AOPEP: variants seen among roughly 807,000 people sequenced by gnomAD.
The protein encoded by AOPEP is aminopeptidase O.
A neutral mutation model predicts 98.1 loss-of-function variants in AOPEP; 77 were observed. That is an observed-to-expected ratio of 0.78 (90% CI 0.65 to 0.95). The LOEUF (loss-of-function observed/expected upper bound fraction) is 0.95, where lower values mean the gene tolerates loss of function less well. AOPEP is among the 40% of genes least tolerant of loss of function. The probability of loss-of-function intolerance (pLI) is 0.00; values close to 1 mark genes in which losing one functional copy is unlikely to be tolerated. For synonymous variants in AOPEP, 346 were observed against 365.3 expected (o/e 0.95, Z 0.60); for missense variants, 1,024 against 1,024.7 (o/e 1.00, Z 0.01).
chr9:94,848,848 G>A (rs979150035), intron 5 of AOPEP, among the ~76,000 whole-genome samples: 9 of 152,164 alleles, frequency 5.9e-5, no homozygotes, highest in Non-Finnish European at 1.2e-4. Flanking sequence ...GGAGTGCAAT[G>A]GCACTGCAGC....
chr9:94,726,714 C>T lies in AOPEP; in HGVS notation c.-173C>T, dbSNP rs556721100. The T allele has an allele frequency of 6.6e-6, 1 of 152,422 alleles. No homozygotes were observed. The highest frequency in any genetic ancestry group is 1.9e-4 in the East Asian group (1 of 5,190). The allele number at this position is 152,422 out of a possible 1,614,324, so 9.4% of individuals were successfully genotyped here. ...GGGGTAGCCCGTAGTAACCCCGAGT[C>T]TGCGGAAGTGGTGACCCGTGGGACG... On this transcript the variant is annotated 5_prime_UTR_variant, in exon 1 of 17. Transcript: ENST00000375315.
Position 94,957,833 on chromosome 9 carries a change from C to T in AOPEP, c.1872+1818C>T, listed in dbSNP as rs1374508963. Among the ~76,000 whole-genome samples, 7 of 152,038 alleles carry T rather than the reference C, an allele frequency of 4.6e-5. No homozygotes were observed. In the East Asian group the frequency reaches 5.8e-4, roughly 13 times the overall value. On this transcript the variant is annotated intron_variant, in intron 9 of 16. Coordinates refer to ENST00000375315, the MANE Select transcript of AOPEP (RefSeq NM_001193329.3). ...GAACTTTTGTGTCTAGCTTTATTAA[C>T]GTAATGTTTTCAAGGTTCATATAGC...
chr9:94,897,699 CTCTCTCCCCAAATAAAAATT>C (rs2049766314), intron 5 of AOPEP, among the ~76,000 whole-genome samples: 1 of 152,144 alleles, frequency 6.6e-6, no homozygotes, highest in Admixed American at 6.5e-5. Flanking sequence ...TAATAAAAAT[CTCTCTCCCCAAATAAAAATT>C]AACTCATTAG....
chr9:95,085,858 G>T, intron 16 of AOPEP: 1 of 1,150,150 alleles, frequency 8.7e-7, no homozygotes, highest in Middle Eastern at 3.9e-4. Flanking sequence ...ATGGCTGTGA[G>T]CGGGGCGGGG....
chr9:95,005,964 G>A, intron 13 of AOPEP: 1 of 494,848 alleles, frequency 2.0e-6, no homozygotes, highest in Non-Finnish European at 4.1e-6. Flanking sequence ...ATCGCCCACA[G>A]TATTAGGTTT....
intron 13 of AOPEP, among the ~76,000 whole-genome samples, chr9:95,053,707 TTTGTTGTTGTTGTTG>T (rs60251468): frequency 1.3e-5 from 2 of 150,710 alleles, no homozygotes; most frequent in Admixed American, 6.6e-5. Flanking sequence ...TTAATTCATT[TTTGTTGTTGTTGTTG>T]TTGTTGTTGT....
chr9:95,149,910 A>AT, the AOPEP span: 1 of 1,588,968 alleles, frequency 6.3e-7, no homozygotes, highest in Non-Finnish European at 8.6e-7. Context: ...GACAGGAAAC[A>AT]TTTGCCACTT....
chr9:94,849,132 G>T (rs2043216889), intron 5 of AOPEP, among the ~76,000 whole-genome samples: 1 of 152,254 alleles, frequency 6.6e-6, no homozygotes, highest in Non-Finnish European at 1.5e-5. Context: ...AAATGGGGCA[G>T]GGGGTAGGAA....
the AOPEP span, chr9:95,101,366 G>A: frequency 4.9e-6 from 2 of 407,650 alleles, no homozygotes; most frequent in Non-Finnish European, 9.1e-6. Flanking sequence ...TTAAATAATA[G>A]ATGTGCAGCT....
In AOPEP at chr9:94,972,033, A is replaced by G. The variant is rs1300439664; in HGVS notation, c.1916+4232A>G. Among the ~76,000 whole-genome samples, 2 of 152,178 alleles carry G rather than the reference A, an allele frequency of 1.3e-5. No homozygotes were observed. Among genetic ancestry groups the G allele is most frequent in the Non-Finnish European group, 2.9e-5 (2 of 68,030 alleles). On this transcript the variant is annotated intron_variant, in intron 10 of 16. Transcript: ENST00000375315. This position sits in a 1 kb window ranked among gnomAD's most constrained non-coding sequence, Gnocchi z 4.2. ...GTGTGGCAGAGAGATGGGGGCGGAG[A>G]GGACTGGAAGCCAGGAAAACAATTA...
intron 13 of AOPEP, chr9:95,005,873 G>A: frequency 3.5e-6 from 2 of 567,448 alleles, no homozygotes; most frequent in Admixed American, 3.0e-5. Context: ...ACTTAAGTGG[G>A]TTCCATTATT....
intron 13 of AOPEP, among the ~76,000 whole-genome samples, chr9:95,049,436 A>G (rs745920870): frequency 1.3e-5 from 2 of 152,224 alleles, no homozygotes; most frequent in African/African-American, 2.4e-5. Context: ...TAAAAGATAA[A>G]TTCTTATTTC....
At chr9:94,976,908 C>A (rs990054268) in intron 10 of AOPEP, among the ~76,000 whole-genome samples, 3 of 152,140 alleles carry the variant, frequency 2.0e-5, no homozygotes, top group Non-Finnish European at 4.4e-5. Flanking sequence ...CTCAAGTGAT[C>A]CTCCTGCCTC....
At chr9:95,074,407 T>C (rs936538662) in intron 14 of AOPEP, among the ~76,000 whole-genome samples, 3 of 152,168 alleles carry the variant, frequency 2.0e-5, no homozygotes, top group Non-Finnish European at 4.4e-5. Context: ...AAAGAAGCAG[T>C]TGTGTGGAGC....
the AOPEP span, chr9:95,107,472 T>C: frequency 1.6e-6 from 1 of 637,552 alleles, no homozygotes; most frequent in Non-Finnish European, 2.8e-6. Flanking sequence ...CTTTCTTTCG[T>C]CTTGCTCACC....
At chr9:94,988,364 A>G (rs1046653885) in intron 11 of AOPEP, among the ~76,000 whole-genome samples, 9 of 152,198 alleles carry the variant, frequency 5.9e-5, no homozygotes, top group African/African-American at 1.9e-4. Context: ...GATTAGACGT[A>G]CATTTTTTCA....
chr9:95,074,482 G>A (rs554404473), intron 14 of AOPEP, among the ~76,000 whole-genome samples: 2 of 152,258 alleles, frequency 1.3e-5, no homozygotes, highest in South Asian at 2.1e-4. Flanking sequence ...TTGGAAACCC[G>A]GAAAGTGCTG....
intron 13 of AOPEP, among the ~76,000 whole-genome samples, chr9:95,036,702 C>CTTCTTTTTTTTTT (rs142297044): frequency 1.5e-5 from 2 of 135,822 alleles, no homozygotes; most frequent in Non-Finnish European, 3.1e-5. Context: ...TCTTCTTCTT[C>CTTCTTTTTTTTTT]TTTTTTTTTT....
At chr9:94,892,346 T>C (rs61515293) in intron 5 of AOPEP, among the ~76,000 whole-genome samples, 4,409 of 152,348 alleles carry the variant, frequency 0.029, 172 homozygotes, top group African/African-American at 0.084. Context: ...TTCATTTTTT[T>C]CTATTTTCTC....
Sources: gnomAD v4.1 joint callset for allele counts (sites outside exome capture counted in the v4.1 genomes callset) on GRCh38, gnomAD v4.1.1 for gene constraint, Gnocchi (gnomAD v3.1) non-coding constraint, MANE v1.5 for transcripts, NCBI Gene and HGNC (gene_info 2026-07-23, HGNC 2026-07-21) for gene names.